Variants in SYNPO2 observed in about 807,000 individuals in gnomAD.
SYNPO2 encodes synaptopodin 2, also known as synaptopodin-2.
SYNPO2 carries 56 observed loss-of-function variants against 85.0 expected under a neutral mutation model. The observed-to-expected ratio is 0.66, with a 90% CI of 0.53 to 0.82. The LOEUF (loss-of-function observed/expected upper bound fraction) is 0.82. Ranked by LOEUF, SYNPO2 falls within the 40% of genes least tolerant of loss-of-function variation. SYNPO2 has a pLI of 0.00. For missense variants in SYNPO2, 1,575 were observed against 1,534.2 expected (o/e 1.03, Z -0.44); for synonymous variants, 602 against 591.1 (o/e 1.02, Z -0.27).
intron 4 of SYNPO2, chr4:119,038,403 G>T (rs1302766609): frequency 1.0e-6 from 1 of 984,990 alleles, no homozygotes; most frequent in African/African-American, 1.7e-5. Flanking sequence ...GCAATGTTGT[G>T]TGACTTCTCA....
At position 119,058,100 on chromosome 4, in the gene SYNPO2, G is replaced by T; in HGVS notation, c.*166G>T. The T allele has an allele frequency of 3.7e-6, 2 of 543,394 alleles. No individual in the cohort carries two copies. Among genetic ancestry groups the T allele is most frequent in the Non-Finnish European group, 6.3e-6 (2 of 317,440 alleles). 33.7% of individuals were successfully genotyped at this position (543,394 alleles called of 1,614,324 possible). ...TCTGTGTGTGTGTGTGTGTGTGTAT[G>T]TATGTGAATATACACACACACACAC... is the stretch of plus-strand genomic sequence containing the variant. On this transcript the variant is annotated 3_prime_UTR_variant, in exon 5 of 5. Coordinates refer to ENST00000307142, the MANE Select transcript of SYNPO2 (RefSeq NM_133477.3).
At chr4:119,033,278 T>G in intron 4 of SYNPO2, 1 of 985,432 alleles carries the variant, frequency 1.0e-6, no homozygotes, top group Non-Finnish European at 1.2e-6. Flanking sequence ...TTTTGACAAC[T>G]GCTTCTCCCA....
intron 1 of SYNPO2, among the ~76,000 whole-genome samples, chr4:118,883,433 C>G (rs992310921): frequency 6.6e-6 from 1 of 152,062 alleles, no homozygotes; most frequent in South Asian, 2.1e-4. Context: ...CAGAATAAGT[C>G]GTTCTTAATG....
intron 1 of SYNPO2, among the ~76,000 whole-genome samples, chr4:118,977,678 A>C (rs1266195554): frequency 6.6e-6 from 1 of 152,234 alleles, no homozygotes; most frequent in Non-Finnish European, 1.5e-5. Flanking sequence ...AGAGCTTCAG[A>C]GGCTAGAAAT....
In SYNPO2 at chr4:118,917,943, T is replaced by C. The variant is rs554646377; in HGVS notation, c.105+28802T>C. Among the ~76,000 whole-genome samples, 7 of 152,326 alleles carry C rather than the reference T, an allele frequency of 4.6e-5. No individual in the cohort carries two copies. The South Asian group carries it at 1.4e-3, about 32-fold the overall frequency. Reference sequence around the variant, plus strand: ...TAGCAGGCCCTATATACTAAATTTTTACATTCTGTCACTTTCTAAATTCAA... The same window carrying C: ...TAGCAGGCCCTATATACTAAATTTTCACATTCTGTCACTTTCTAAATTCAA... On this transcript the variant is annotated intron_variant, in intron 1 of 4. Transcript: ENST00000307142.
intron 4 of SYNPO2, among the ~76,000 whole-genome samples, chr4:119,056,539 G>T (rs1224277510): frequency 6.6e-6 from 1 of 152,112 alleles, no homozygotes; most frequent in East Asian, 1.9e-4. Flanking sequence ...CTGGGCAACA[G>T]AATGAGACCC....
intron 1 of SYNPO2, among the ~76,000 whole-genome samples, chr4:118,963,596 G>T (rs1262361692): frequency 6.6e-6 from 1 of 152,158 alleles, no homozygotes; most frequent in Non-Finnish European, 1.5e-5. Context: ...CTACAGGTGT[G>T]TGCCACCGTG....
intron 4 of SYNPO2, chr4:119,037,423 T>G (rs181284807): frequency 1.7e-6 from 2 of 1,158,962 alleles, no homozygotes; most frequent in Admixed American, 4.4e-5. Context: ...CAGAAAAATG[T>G]TCTTCTTGGA....
chr4:119,012,322 G>A (rs1016023025), intron 1 of SYNPO2, among the ~76,000 whole-genome samples: 4 of 146,334 alleles, frequency 2.7e-5, no homozygotes, highest in African/African-American at 1.0e-4. Flanking sequence ...TGAATTGGTT[G>A]TTGGTTTTAG....
At chr4:119,037,253 C>T in intron 4 of SYNPO2, 1 of 1,472,392 alleles carries the variant, frequency 6.8e-7, no homozygotes, top group South Asian at 1.5e-5. Flanking sequence ...TTTCACATCT[C>T]CTATTTCTTG....
At chr4:118,892,347 A>C (rs1482328410) in intron 1 of SYNPO2, among the ~76,000 whole-genome samples, 3 of 152,208 alleles carry the variant, frequency 2.0e-5, no homozygotes, top group African/African-American at 7.2e-5. Flanking sequence ...TATTCTAAAT[A>C]TATGTGATGG....
intron 4 of SYNPO2, among the ~76,000 whole-genome samples, chr4:119,051,194 T>TTTTG: frequency 7.4e-6 from 1 of 136,028 alleles, no homozygotes; most frequent in African/African-American, 2.7e-5. Flanking sequence ...CAATTTTTTT[T>TTTTG]TTTTTTTTTT....
chr4:119,017,586 T>G (rs1000936974), intron 1 of SYNPO2, among the ~76,000 whole-genome samples: 2 of 152,230 alleles, frequency 1.3e-5, no homozygotes, highest in Admixed American at 6.5e-5. Flanking sequence ...TTGCCTGAGA[T>G]CACAATCATC....
At chr4:118,942,385 A>G (rs975647473) in intron 1 of SYNPO2, among the ~76,000 whole-genome samples, 2 of 152,170 alleles carry the variant, frequency 1.3e-5, no homozygotes, top group Admixed American at 6.5e-5. Flanking sequence ...GGCACTTGGT[A>G]TATGCTCAGT....
chr4:118,899,847 T>C (rs1732661661), intron 1 of SYNPO2, among the ~76,000 whole-genome samples: 1 of 152,154 alleles, frequency 6.6e-6, no homozygotes, highest in Non-Finnish European at 1.5e-5. Flanking sequence ...CTGCAACCTC[T>C]GCCTCCCAGG....
intron 1 of SYNPO2, among the ~76,000 whole-genome samples, chr4:118,996,904 C>A (rs1293162186): frequency 2.0e-5 from 3 of 148,386 alleles, no homozygotes; most frequent in Non-Finnish European, 4.5e-5. Context: ...AATAAATGTC[C>A]ATTTGCAAGC....
intron 1 of SYNPO2, among the ~76,000 whole-genome samples, chr4:118,851,596 A>G (rs1378070170): frequency 2.0e-5 from 3 of 152,250 alleles, no homozygotes; most frequent in African/African-American, 7.2e-5. Flanking sequence ...ATTAAAACTC[A>G]TTGTTACAAT....
At chr4:118,979,878 A>G (rs767069651) in intron 1 of SYNPO2, among the ~76,000 whole-genome samples, 19 of 152,206 alleles carry the variant, frequency 1.2e-4, no homozygotes, top group Non-Finnish European at 2.2e-4. Context: ...CTTGAACTAA[A>G]AAGAGTGGAC....
intron 1 of SYNPO2, among the ~76,000 whole-genome samples, chr4:119,002,113 C>T (rs1473258909): frequency 1.3e-5 from 2 of 152,136 alleles, no homozygotes; most frequent in African/African-American, 4.8e-5. Flanking sequence ...TTTTTCCTTT[C>T]CTGCATAAAT....
Sources: allele counts gnomAD v4.1 joint callset (sites outside exome capture counted in the v4.1 genomes callset), GRCh38; gene constraint gnomAD v4.1.1; transcripts MANE v1.5; gene names NCBI Gene and HGNC (gene_info 2026-07-23, HGNC 2026-07-21).